Variants in CTNNB1 observed in about 807,000 individuals in gnomAD.
CTNNB1 encodes catenin beta 1, also known as catenin beta-1.
In CTNNB1, 6 loss-of-function variants were observed where a neutral mutation model predicts 82.5. The observed-to-expected ratio is 0.07, with a 90% CI of 0.04 to 0.14. CTNNB1 has a LOEUF of 0.14. Among genes scored for constraint, CTNNB1 ranks in the 10% least tolerant of loss-of-function variants. The pLI, the probability that CTNNB1 is intolerant of heterozygous loss-of-function variation, is 1.00. For missense variants in CTNNB1, 529 were observed against 980.4 expected (o/e 0.54, Z 6.15); for synonymous variants, 312 against 329.7 (o/e 0.95, Z 0.58).
intron 1 of CTNNB1, among the ~76,000 whole-genome samples, chr3:41,207,496 C>T (rs2077675483): frequency 6.6e-6 from 1 of 152,146 alleles, no homozygotes; most frequent in African/African-American, 2.4e-5. Context: ...TAAGTAGGAA[C>T]CCCTTCACCT....
At chr3:41,219,124 TTTAACA>T (rs1214196567) in intron 1 of CTNNB1, among the ~76,000 whole-genome samples, 1 of 152,256 alleles carries the variant, frequency 6.6e-6, no homozygotes, top group East Asian at 1.9e-4. Context: ...ATAGCTGTGC[TTTAACA>T]TTATCAGTCT....
intron 1 of CTNNB1, chr3:41,211,054 A>T (rs1432634828): frequency 4.4e-6 from 2 of 456,452 alleles, no homozygotes; most frequent in Non-Finnish European, 8.8e-6. Context: ...TGGCCTCACA[A>T]AGTGCGAGGA....
At chr3:41,211,117 C>T (rs1384520145) in intron 1 of CTNNB1, 3 of 455,914 alleles carry the variant, frequency 6.6e-6, no homozygotes, top group Non-Finnish European at 1.3e-5. Context: ...ACAACTGAAG[C>T]ACAGTAAACC....
rs1444804308 is a variant in CTNNB1, at chr3:41,240,415, T to C, written c.*1073T>C. On this transcript the variant is annotated 3_prime_UTR_variant, in exon 15 of 15. Coordinates refer to ENST00000349496, the MANE Select transcript of CTNNB1 (RefSeq NM_001904.4). Reference sequence around the variant, plus strand: ...CAAGAGAAAATGCGGTTATAAAAAATGGTTCAGAATTAAACTTTTAATTCA... The same window carrying C: ...CAAGAGAAAATGCGGTTATAAAAAACGGTTCAGAATTAAACTTTTAATTCA... 1.1e-5 allele frequency: 2 copies of C among 181,002 alleles called. No individual in the cohort carries two copies. The highest frequency in any genetic ancestry group is 4.7e-5 in the African/African-American group (2 of 42,446). The allele number at this position is 181,002 out of a possible 1,614,324, so 11.2% of individuals were successfully genotyped here. A position where few individuals can be genotyped will look rare whatever the true frequency, so the allele number is the denominator to read the frequency against.
At chr3:41,213,096 A>G (rs767722657) in intron 1 of CTNNB1, among the ~76,000 whole-genome samples, 1 of 152,204 alleles carries the variant, frequency 6.6e-6, no homozygotes, top group Non-Finnish European at 1.5e-5. Context: ...AACAGAAAAC[A>G]CTTTTCTTAC....
At chr3:41,231,587 C>T (rs569692292) in intron 7 of CTNNB1, among the ~76,000 whole-genome samples, 1 of 152,282 alleles carries the variant, frequency 6.6e-6, no homozygotes, top group South Asian at 2.1e-4. Flanking sequence ...AAATTCTAAA[C>T]GGTTCCTCAG....
intron 1 of CTNNB1, among the ~76,000 whole-genome samples, chr3:41,215,240 A>G (rs1308708704): frequency 4.5e-5 from 5 of 112,240 alleles, no homozygotes; most frequent in Middle Eastern, 4.3e-3. Flanking sequence ...AAAAAAAAAT[A>G]GCTGGGGTTG....
chr3:41,224,367 A>G (rs748511743), intron 2 of CTNNB1, 159 bp from the exon 3 acceptor site: 8 of 799,738 alleles, frequency 1.0e-5, no homozygotes, highest in African/African-American at 1.7e-5. Flanking sequence ...GTATTTCATC[A>G]CTGAGCTAAC....
chr3:41,210,449 C>T (rs1428726866), intron 1 of CTNNB1, among the ~76,000 whole-genome samples: 6 of 151,968 alleles, frequency 3.9e-5, no homozygotes, highest in East Asian at 1.9e-4. Context: ...GCGGAAACTC[C>T]GTCTCAAAAA....
intron 11 of CTNNB1, chr3:41,236,146 G>A: frequency 1.3e-6 from 1 of 779,046 alleles, no homozygotes; most frequent in Non-Finnish European, 2.1e-6. Context: ...TGCCTCTGAA[G>A]AAAGGGTTTA....
intron 1 of CTNNB1, among the ~76,000 whole-genome samples, chr3:41,203,829 C>T (rs1395871300): frequency 6.6e-6 from 1 of 152,116 alleles, no homozygotes; most frequent in East Asian, 1.9e-4. Context: ...TGTTTCAAAT[C>T]AGAATCTAAT....
At chr3:41,234,322 C>G (rs1338574246) in intron 10 of CTNNB1, 25 bp downstream of exon 10, 1 of 1,613,076 alleles carries the variant, frequency 6.2e-7, no homozygotes, top group Non-Finnish European at 8.5e-7. Context: ...ACAGTGATAC[C>G]TGGCTATCTA....
At chr3:41,233,256 A>G in intron 7 of CTNNB1, 85 bp from the exon 8 acceptor site, 1 of 1,092,984 alleles carries the variant, frequency 9.1e-7, no homozygotes, top group East Asian at 2.4e-5. Flanking sequence ...ACAGAAGGAC[A>G]CCTCCTAAGG....
chr3:41,206,761 A>C (rs1185778697), intron 1 of CTNNB1, among the ~76,000 whole-genome samples: 1 of 151,956 alleles, frequency 6.6e-6, no homozygotes, highest in Non-Finnish European at 1.5e-5. Flanking sequence ...GATTCTTGGA[A>C]ATATTTTTCA....
At chr3:41,221,415 T>A (rs1337453640) in intron 1 of CTNNB1, 1 of 151,914 alleles carries the variant, frequency 6.6e-6, no homozygotes, top group Non-Finnish European at 1.5e-5. Flanking sequence ...GGTGTGATCA[T>A]AGCTCACTAT....
At chr3:41,227,895 C>T (rs189795702) in intron 7 of CTNNB1, among the ~76,000 whole-genome samples, 203 of 152,186 alleles carry the variant, frequency 1.3e-3, no homozygotes, top group African/African-American at 4.7e-3. Context: ...GTAAGTAGGC[C>T]CCAGTGTCTG....
At position 41,224,697 on chromosome 3, in the gene CTNNB1, T is replaced by C; in HGVS notation, c.185T>C (p.Val62Ala). The C allele has an allele frequency of 6.2e-7, 1 of 1,613,974 alleles. No homozygotes were observed. The highest frequency in any genetic ancestry group is 1.7e-4 in the Middle Eastern group (1 of 6,058). The stretch of plus-strand genomic sequence containing the variant: ...GAAGAGGATGTGGATACCTCCCAAG[T>C]CCTGTATGAGTGGGAACAGGGATTT... ...PEEEDVDTSQ[V>A]LYEWEQGFSQ... is the part of the protein sequence containing the mutation. The change falls in exon 3 of 15, where the codon GTC (valine) becomes GCC (alanine). Residue 62 changes from valine (V) to alanine (A), a missense_variant. Transcript: ENST00000349496.
chr3:41,227,329 A>G lies in CTNNB1; in HGVS notation c.1058A>G (p.Asn353Ser). 1.2e-6 allele frequency: 2 copies of G among 1,613,932 alleles called. No homozygotes were observed. The highest frequency in any genetic ancestry group is 1.7e-6 in the Non-Finnish European group (2 of 1,179,862). ...VLKVLSVCSSNKPAIVEAGGM... is the reference protein window; with the variant it reads ...VLKVLSVCSSSKPAIVEAGGM... ...AAGGTGCTATCTGTCTGCTCTAGTA[A>G]TAAGCCGGCTATTGTAGAAGCTGGT... Residue 353 changes from asparagine to serine, a missense_variant, in exon 7 of 15, where the codon AAT (asparagine) becomes AGT (serine). Asn to Ser is a conservative substitution (Grantham distance 46, BLOSUM62 1). This residue lies in a region of CTNNB1 where 411 missense variants were observed against 776.4 expected (regional missense o/e 0.53). Transcript: ENST00000349496.
At chr3:41,235,118 T>C (rs2078404579) in intron 10 of CTNNB1, 1 of 153,658 alleles carries the variant, frequency 6.5e-6, no homozygotes, top group Non-Finnish European at 1.4e-5. Context: ...ATCAAGTTAT[T>C]TATAAAAGCT....
Sources: gnomAD v4.1 joint callset for allele counts (sites outside exome capture counted in the v4.1 genomes callset) on GRCh38, gnomAD v4.1.1 for gene constraint, gnomAD v4.1.1 regional missense constraint, MANE v1.5 for transcripts, NCBI Gene and HGNC (gene_info 2026-07-23, HGNC 2026-07-21) for gene names.